The following TTLL5 variants were observed in gnomAD, a reference collection of about 807,000 sequenced individuals.
TTLL5 encodes the protein tubulin polyglutamylase TTLL5.
Under a neutral mutation model 168.4 loss-of-function variants are expected in TTLL5, and 132 were observed. That is an observed-to-expected ratio of 0.78 (90% CI 0.68 to 0.91). The LOEUF is 0.91. Among genes scored for constraint, TTLL5 ranks in the 40% least tolerant of loss-of-function variants. The probability of loss-of-function intolerance (pLI) is 0.00; values close to 1 mark genes in which losing one functional copy is unlikely to be tolerated. For synonymous variants in TTLL5, 546 were observed against 558.6 expected (o/e 0.98, Z 0.32); for missense variants, 1,545 against 1,581.5 (o/e 0.98, Z 0.39).
At chr14:75,859,692 T>C (rs1014631936) in intron 28 of TTLL5, among the ~76,000 whole-genome samples, 9 of 152,168 alleles carry the variant, frequency 5.9e-5, no homozygotes, top group African/African-American at 1.4e-4. Flanking sequence ...AAAAATAGAA[T>C]TCGTTGAGGT....
intron 6 of TTLL5, among the ~76,000 whole-genome samples, chr14:75,696,483 G>C (rs1429947787): frequency 6.6e-6 from 1 of 151,886 alleles, no homozygotes; most frequent in Non-Finnish European, 1.5e-5. Context: ...TCAGTATCTG[G>C]GGAAAATGGC....
At chr14:75,879,885 C>T (rs1015990071) in intron 29 of TTLL5, among the ~76,000 whole-genome samples, 3 of 152,162 alleles carry the variant, frequency 2.0e-5, no homozygotes, top group African/African-American at 7.2e-5. Flanking sequence ...ACTTGGGTAT[C>T]TTGATTTGTA....
Position 75,828,970 on chromosome 14 carries a change from G to A in TTLL5, c.3326+8809G>A, listed in dbSNP as rs1266109337. ...ATATCTCCTCAGTGTGAGAGACTGGGCCCTGAAGGAGGTATCAGACAAATC... is the reference window on the plus strand; with the variant it reads ...ATATCTCCTCAGTGTGAGAGACTGGACCCTGAAGGAGGTATCAGACAAATC... On this transcript the variant is annotated intron_variant, in intron 28 of 31. Transcript: ENST00000298832. Among the ~76,000 whole-genome samples the A allele has an allele frequency of 3.9e-5, 6 of 152,136 alleles. No homozygotes were observed. The East Asian group carries it at 1.2e-3, about 29-fold the overall frequency.
At chr14:75,847,918 G>A (rs971826037) in intron 28 of TTLL5, among the ~76,000 whole-genome samples, 21 of 151,142 alleles carry the variant, frequency 1.4e-4, no homozygotes, top group South Asian at 8.4e-4. Flanking sequence ...CTGGTGGTCC[G>A]GTAAGAGAAA....
At chr14:75,843,947 G>A (rs753352566) in intron 28 of TTLL5, among the ~76,000 whole-genome samples, 8 of 145,156 alleles carry the variant, frequency 5.5e-5, no homozygotes, top group Non-Finnish European at 1.2e-4. Context: ...AGGCTGGAGT[G>A]CAGTGGCATG....
intron 27 of TTLL5, among the ~76,000 whole-genome samples, chr14:75,798,247 G>T (rs1475982657): frequency 6.6e-6 from 1 of 151,972 alleles, no homozygotes; most frequent in Non-Finnish European, 1.5e-5. Flanking sequence ...GTTCATAGTA[G>T]CCTTGAGTTA....
intron 31 of TTLL5, among the ~76,000 whole-genome samples, chr14:75,931,529 G>A (rs1386969108): frequency 6.6e-6 from 1 of 151,974 alleles, no homozygotes; most frequent in Non-Finnish European, 1.5e-5. Flanking sequence ...TTTTCCAGAC[G>A]GATCTCTTCA....
At chr14:75,791,105 CAAAA>C (rs372035829) in intron 26 of TTLL5, among the ~76,000 whole-genome samples, 8 of 77,276 alleles carry the variant, frequency 1.0e-4, no homozygotes, top group African/African-American at 5.3e-4. Context: ...GACTCTGTCT[CAAAA>C]AAAAAAAAAA....
At chr14:75,859,323 A>G (rs1566633752) in intron 28 of TTLL5, among the ~76,000 whole-genome samples, 1 of 152,224 alleles carries the variant, frequency 6.6e-6, no homozygotes, top group African/African-American at 2.4e-5. Context: ...AGAGAAAAAC[A>G]TTTCATCCTG....
chr14:75,703,892 T>A (rs1471684527), intron 7 of TTLL5, among the ~76,000 whole-genome samples: 1 of 152,216 alleles, frequency 6.6e-6, no homozygotes, highest in East Asian at 1.9e-4. Flanking sequence ...ATTATGTATC[T>A]CCAATTTTCA....
At chr14:75,791,627 TA>T in intron 26 of TTLL5, among the ~76,000 whole-genome samples, 1 of 152,304 alleles carries the variant, frequency 6.6e-6, no homozygotes, top group Admixed American at 6.5e-5. Flanking sequence ...ATATTGTTGA[TA>T]ATGTAATTCC....
chr14:75,938,603 G>A (rs2140187073), intron 31 of TTLL5, among the ~76,000 whole-genome samples: 1 of 152,300 alleles, frequency 6.6e-6, no homozygotes, highest in South Asian at 2.1e-4. Flanking sequence ...TTTGGCCCTT[G>A]TAGCAATCCA....
At chr14:75,800,231 T>G (rs2140365511) in intron 27 of TTLL5, among the ~76,000 whole-genome samples, 1 of 152,308 alleles carries the variant, frequency 6.6e-6, no homozygotes, top group South Asian at 2.1e-4. Context: ...GCTCTGAAGT[T>G]CTTTCTTCTA....
intron 27 of TTLL5, among the ~76,000 whole-genome samples, chr14:75,797,352 A>G (rs1326051998): frequency 1.3e-5 from 2 of 152,002 alleles, no homozygotes; most frequent in Non-Finnish European, 2.9e-5. Flanking sequence ...TAGGTATATG[A>G]TCATATTGGC....
intron 13 of TTLL5, 58 bp from the exon 14 acceptor site, chr14:75,733,931 G>A (rs539839050): frequency 2.3e-5 from 35 of 1,537,270 alleles, no homozygotes; most frequent in African/African-American, 4.1e-5. Context: ...ATCAGAGGGC[G>A]GCTATTCTGT....
At chr14:75,776,203 G>C (rs1470158971) in intron 22 of TTLL5, among the ~76,000 whole-genome samples, 1 of 152,176 alleles carries the variant, frequency 6.6e-6, no homozygotes, top group Non-Finnish European at 1.5e-5. Context: ...AAAGCTGATA[G>C]AAATTTAAAT....
chr14:75,900,176 T>G (rs555720430), intron 30 of TTLL5, among the ~76,000 whole-genome samples: 17 of 152,222 alleles, frequency 1.1e-4, no homozygotes, highest in Non-Finnish European at 2.2e-4. Flanking sequence ...TGAAATAAAA[T>G]GCGTGAGGAT....
intron 23 of TTLL5, among the ~76,000 whole-genome samples, chr14:75,778,834 G>A (rs557024093): frequency 8.7e-4 from 133 of 152,292 alleles, no homozygotes; most frequent in Middle Eastern, 6.8e-3. Context: ...TTCATAAAGA[G>A]CATATAATTT....
intron 1 of TTLL5, among the ~76,000 whole-genome samples, 160 bp from the exon 2 acceptor site, chr14:75,662,895 T>G (rs1342969947): frequency 6.6e-6 from 1 of 152,230 alleles, no homozygotes; most frequent in Non-Finnish European, 1.5e-5. Context: ...AGGCACATAT[T>G]GAGGCACATT....
Sources: allele counts gnomAD v4.1 joint callset (sites outside exome capture counted in the v4.1 genomes callset), GRCh38; gene constraint gnomAD v4.1.1; transcripts MANE v1.5; gene names NCBI Gene and HGNC (gene_info 2026-07-23, HGNC 2026-07-21).